MARCHF1: variants seen among roughly 807,000 people sequenced by gnomAD.
The protein encoded by MARCHF1 is E3 ubiquitin-protein ligase MARCHF1.
Under a neutral mutation model 54.2 loss-of-function variants are expected in MARCHF1, and 40 were observed. The ratio of observed to expected loss-of-function variants is 0.74; its 90% CI spans 0.57 to 0.96. The LOEUF (loss-of-function observed/expected upper bound fraction) is 0.96, where lower values mean the gene tolerates loss of function less well. Ranked by LOEUF, MARCHF1 falls within the 40% of genes least tolerant of loss-of-function variation. The pLI, the probability that MARCHF1 is intolerant of heterozygous loss-of-function variation, is 0.00. For synonymous variants in MARCHF1, 236 were observed against 236.3 expected (o/e 1.00, Z 0.01); for missense variants, 586 against 656.5 (o/e 0.89, Z 1.17).
chr4:163,886,433 T>A (rs1750540806), intron 3 of MARCHF1, among the ~76,000 whole-genome samples: 4 of 151,684 alleles, frequency 2.6e-5, no homozygotes, highest in Admixed American at 2.0e-4. Flanking sequence ...CCTTAAACTA[T>A]AATAAAGCAT....
chr4:163,960,122 G>C (rs753070233), intron 3 of MARCHF1, among the ~76,000 whole-genome samples: 1 of 151,946 alleles, frequency 6.6e-6, no homozygotes, highest in African/African-American at 2.4e-5. Flanking sequence ...TCTCACACCA[G>C]TCAGAATGTC....
intron 1 of MARCHF1, among the ~76,000 whole-genome samples, chr4:164,253,188 G>T (rs529287032): frequency 6.6e-6 from 1 of 152,226 alleles, no homozygotes; most frequent in South Asian, 2.1e-4. Flanking sequence ...TTTGCAAAAT[G>T]AAATTCAAAA....
At chr4:163,574,080 T>G (rs1739949260) in intron 8 of MARCHF1, among the ~76,000 whole-genome samples, 1 of 152,190 alleles carries the variant, frequency 6.6e-6, no homozygotes, top group Non-Finnish European at 1.5e-5. Context: ...TGAGCATTTT[T>G]TCATGTGTTT....
intron 1 of MARCHF1, among the ~76,000 whole-genome samples, chr4:164,139,727 G>A (rs1756481269): frequency 6.6e-6 from 1 of 152,082 alleles, no homozygotes; most frequent in Non-Finnish European, 1.5e-5. Context: ...GATACTTTAA[G>A]CGGAATGGAA....
intron 3 of MARCHF1, among the ~76,000 whole-genome samples, chr4:163,873,541 T>C (rs1750225141): frequency 6.6e-6 from 1 of 152,180 alleles, no homozygotes; most frequent in African/African-American, 2.4e-5. Flanking sequence ...ATGCAGCCGC[T>C]CAGACAGCCC....
chr4:164,100,519 A>G (rs1297049026), intron 2 of MARCHF1, among the ~76,000 whole-genome samples: 1 of 152,264 alleles, frequency 6.6e-6, no homozygotes, highest in East Asian at 1.9e-4. Flanking sequence ...GCTAAATAAG[A>G]ATATGTGTTG....
chr4:164,319,807 T>C (rs1054846047), intron 1 of MARCHF1, among the ~76,000 whole-genome samples: 20 of 152,232 alleles, frequency 1.3e-4, no homozygotes, highest in Admixed American at 3.3e-4. Flanking sequence ...TTGCTGGACA[T>C]ATTTATATCC....
chr4:164,105,418 T>G (rs1004934403), intron 2 of MARCHF1, among the ~76,000 whole-genome samples: 2 of 150,356 alleles, frequency 1.3e-5, no homozygotes, highest in Admixed American at 6.7e-5. Flanking sequence ...AAAACAGAGA[T>G]ATAGATCAAT....
intron 5 of MARCHF1, among the ~76,000 whole-genome samples, chr4:163,687,384 C>T (rs745840595): frequency 3.9e-5 from 6 of 152,012 alleles, no homozygotes; most frequent in Admixed American, 2.6e-4. Flanking sequence ...CCCGCCACCA[C>T]GCCTGGCTAA....
At chr4:163,895,181 G>A (rs2111288294) in intron 3 of MARCHF1, among the ~76,000 whole-genome samples, 1 of 152,266 alleles carries the variant, frequency 6.6e-6, no homozygotes, top group South Asian at 2.1e-4. Context: ...CAATGCACTT[G>A]CAATGGCTAG....
chr4:163,975,991 C>T (rs1409903104), intron 3 of MARCHF1, among the ~76,000 whole-genome samples: 1 of 152,024 alleles, frequency 6.6e-6, no homozygotes, highest in African/African-American at 2.4e-5. Flanking sequence ...ATTAAGAGGG[C>T]ATCTTATTTG....
At chr4:163,910,157 A>AAG (rs555019631) in intron 3 of MARCHF1, among the ~76,000 whole-genome samples, 118 of 152,312 alleles carry the variant, frequency 7.7e-4, no homozygotes, top group Non-Finnish European at 1.3e-3. Flanking sequence ...TTTATATCTG[A>AAG]GTTAATCCTT....
chr4:163,851,537 C>T (rs931566009), intron 4 of MARCHF1, among the ~76,000 whole-genome samples: 36 of 152,256 alleles, frequency 2.4e-4, no homozygotes, highest in African/African-American at 8.2e-4. Context: ...CCAGAGATCA[C>T]GGATTTGTGC....
chr4:164,218,958 C>T (rs1732012348), intron 1 of MARCHF1, among the ~76,000 whole-genome samples: 1 of 151,832 alleles, frequency 6.6e-6, no homozygotes, highest in African/African-American at 2.4e-5. Context: ...AAAGTATCCC[C>T]AGGAGGCTGA....
At chr4:164,339,006 A>G (rs1371809457) in intron 1 of MARCHF1, among the ~76,000 whole-genome samples, 2 of 152,104 alleles carry the variant, frequency 1.3e-5, no homozygotes, top group African/African-American at 4.8e-5. Flanking sequence ...AAATAAGTAA[A>G]TTCATCAATA....
chr4:164,319,172 T>C (rs1010817556), intron 1 of MARCHF1, among the ~76,000 whole-genome samples: 11 of 152,188 alleles, frequency 7.2e-5, no homozygotes, highest in African/African-American at 2.7e-4. Context: ...CATTTTCTTG[T>C]CATTATTCCC....
At chr4:163,632,097 G>A (rs1430082047) in intron 5 of MARCHF1, among the ~76,000 whole-genome samples, 1 of 152,200 alleles carries the variant, frequency 6.6e-6, no homozygotes, top group East Asian at 1.9e-4. Flanking sequence ...AAGTCTTGGT[G>A]AGGATGTGGA....
chr4:163,751,422 G>A (rs1746517629), intron 4 of MARCHF1, among the ~76,000 whole-genome samples: 1 of 151,792 alleles, frequency 6.6e-6, no homozygotes, highest in Admixed American at 6.5e-5. Flanking sequence ...GGATTGGATA[G>A]GAAGGGAATC....
At chr4:164,377,780 GACAA>G (rs752529462) in intron 1 of MARCHF1, among the ~76,000 whole-genome samples, 1 of 152,146 alleles carries the variant, frequency 6.6e-6, no homozygotes, top group Non-Finnish European at 1.5e-5. Context: ...TTAAAAAACA[GACAA>G]ACAGTCTCAA....
Sources: allele counts gnomAD v4.1 joint callset (sites outside exome capture counted in the v4.1 genomes callset), GRCh38; gene constraint gnomAD v4.1.1; transcripts MANE v1.5; gene names NCBI Gene and HGNC (gene_info 2026-07-23, HGNC 2026-07-21).